The following ENPP6 variants were observed in gnomAD, a reference collection of about 807,000 sequenced individuals.
ENPP6 encodes the protein glycerophosphocholine cholinephosphodiesterase ENPP6.
A neutral mutation model predicts 42.0 loss-of-function variants in ENPP6; 32 were observed. The ratio of observed to expected loss-of-function variants is 0.76; its 90% CI spans 0.58 to 1.02. The LOEUF is 1.02. ENPP6 is among the 50% of genes least tolerant of loss of function. ENPP6 has a pLI of 0.00. For synonymous variants in ENPP6, 213 were observed against 216.0 expected, an observed-to-expected ratio of 0.99 and a Z score of 0.12; for missense variants, 552 against 566.8, an observed-to-expected ratio of 0.97 and a Z score of 0.27.
At chr4:184,099,181 G>A (rs1579606613) in intron 6 of ENPP6, among the ~76,000 whole-genome samples, 1 of 152,222 alleles carries the variant, frequency 6.6e-6, no homozygotes, top group Non-Finnish European at 1.5e-5. Context: ...CGGTGCCTGG[G>A]CCCCTTCCAC....
chr4:184,133,219 T>C (rs947709083), intron 2 of ENPP6, among the ~76,000 whole-genome samples: 14 of 152,068 alleles, frequency 9.2e-5, no homozygotes, highest in Middle Eastern at 3.4e-3. Context: ...GGGATTACAG[T>C]GAATCTGTAG....
chr4:184,141,060 CGT>C (rs1553996665), intron 2 of ENPP6, among the ~76,000 whole-genome samples: 5 of 148,016 alleles, frequency 3.4e-5, no homozygotes, highest in Middle Eastern at 3.4e-3. Flanking sequence ...ACAAACAACC[CGT>C]CAAAAAGTGG....
At chr4:184,141,782 G>A (rs4561966) in intron 2 of ENPP6, among the ~76,000 whole-genome samples, 63,241 of 151,878 alleles carry the variant, frequency 0.42, 14,606 homozygotes, top group Non-Finnish European at 0.53. Flanking sequence ...TAATAATAAT[G>A]ATGATGATAA....
intron 1 of ENPP6, among the ~76,000 whole-genome samples, chr4:184,206,405 G>C (rs34133055): frequency 0.28 from 19,115 of 68,362 alleles, 5,042 homozygotes; most frequent in African/African-American, 0.56. Context: ...CTACAGGCGG[G>C]CGCCACCAGG....
chr4:184,192,086 T>C (rs1230208779), intron 1 of ENPP6, among the ~76,000 whole-genome samples: 2 of 152,228 alleles, frequency 1.3e-5, no homozygotes, highest in Non-Finnish European at 1.5e-5. Context: ...ACACAATCCT[T>C]ATCCAAATTC....
intron 2 of ENPP6, among the ~76,000 whole-genome samples, chr4:184,128,923 C>T (rs1736549425): frequency 6.6e-6 from 1 of 152,100 alleles, no homozygotes; most frequent in Non-Finnish European, 1.5e-5. Flanking sequence ...AGGAATTAGT[C>T]ATGATAATTA....
At chr4:184,147,445 C>T (rs1736945505) in intron 2 of ENPP6, among the ~76,000 whole-genome samples, 1 of 152,208 alleles carries the variant, frequency 6.6e-6, no homozygotes, top group Non-Finnish European at 1.5e-5. Context: ...TCACGCTCTT[C>T]CTTAAAACCT....
rs747643657 is a variant in ENPP6 at position 184,116,816 on chromosome 4, C to T, written c.855+40G>A. 4 of 1,607,276 alleles carry T rather than the reference C, an allele frequency of 2.5e-6. No individual in the cohort carries two copies. In the South Asian group the frequency reaches 3.3e-5, roughly 13 times the overall value. On this transcript the variant is annotated intron_variant, in intron 5 of 7. Transcript: ENST00000296741. ...CAGTGCAGATGGCAACACACGAGGG[C>T]CCACATGGCCCTCCTCCGCCCCCCA...
intron 6 of ENPP6, among the ~76,000 whole-genome samples, chr4:184,107,697 C>T (rs190365757): frequency 7.2e-5 from 11 of 152,180 alleles, no homozygotes; most frequent in East Asian, 3.8e-4. Context: ...GGGCGGATCA[C>T]GAGGTCAGGA....
At chr4:184,112,907 A>G in intron 5 of ENPP6, 98 bp from the exon 6 acceptor site, 5 of 1,314,662 alleles carry the variant, frequency 3.8e-6, no homozygotes, top group Non-Finnish European at 5.1e-6. Flanking sequence ...TATAAGACCA[A>G]AGAAAGAAAT....
At chr4:184,142,109 T>G (rs1392117205) in intron 2 of ENPP6, among the ~76,000 whole-genome samples, 2 of 152,232 alleles carry the variant, frequency 1.3e-5, no homozygotes, top group African/African-American at 4.8e-5. Flanking sequence ...TACTTTCCAC[T>G]GTGCGCACTG....
At chr4:184,095,685 T>G (rs1252539687) in intron 7 of ENPP6, among the ~76,000 whole-genome samples, 2 of 150,806 alleles carry the variant, frequency 1.3e-5, no homozygotes, top group Non-Finnish European at 2.9e-5. Context: ...TATATATATA[T>G]AGATATATAT....
At chr4:184,146,074 C>G (rs1427663139) in intron 2 of ENPP6, among the ~76,000 whole-genome samples, 4 of 143,386 alleles carry the variant, frequency 2.8e-5, no homozygotes, top group African/African-American at 7.7e-5. Flanking sequence ...CCTGTCCTCT[C>G]TTTTTTGTGT....
intron 2 of ENPP6, among the ~76,000 whole-genome samples, chr4:184,130,403 A>C (rs1269883327): frequency 5.1e-5 from 7 of 135,982 alleles, no homozygotes; most frequent in African/African-American, 1.1e-4. Flanking sequence ...CTAAAAACAC[A>C]AAAAATTAGC....
chr4:184,098,649 C>T (rs946793303), intron 6 of ENPP6, among the ~76,000 whole-genome samples: 2 of 152,132 alleles, frequency 1.3e-5, no homozygotes, highest in Non-Finnish European at 2.9e-5. Context: ...CATCACTTCC[C>T]GACACACTTC....
At chr4:184,105,882 G>A (rs1368235186) in intron 6 of ENPP6, among the ~76,000 whole-genome samples, 2 of 152,158 alleles carry the variant, frequency 1.3e-5, no homozygotes, top group African/African-American at 4.8e-5. Flanking sequence ...GTGGGTCAGT[G>A]TAAGGATTTT....
chr4:184,157,553 CT>C (rs1413374881), intron 1 of ENPP6, among the ~76,000 whole-genome samples: 4 of 139,674 alleles, frequency 2.9e-5, no homozygotes, highest in African/African-American at 1.1e-4. Flanking sequence ...TCTTTCCTTT[CT>C]CTCTTTCTTT....
intron 2 of ENPP6, among the ~76,000 whole-genome samples, chr4:184,129,810 G>GTA (rs1298932191): frequency 6.6e-6 from 1 of 152,150 alleles, no homozygotes; most frequent in Non-Finnish European, 1.5e-5. Context: ...CTACAAAATA[G>GTA]TATATAACAG....
At chr4:184,093,238 G>A (rs568776990) in intron 7 of ENPP6, among the ~76,000 whole-genome samples, 2 of 152,266 alleles carry the variant, frequency 1.3e-5, no homozygotes, top group South Asian at 2.1e-4. Context: ...AGGACAAATT[G>A]TGGTTTGAAT....
Sources: gnomAD v4.1 joint callset for allele counts (sites outside exome capture counted in the v4.1 genomes callset) on GRCh38, gnomAD v4.1.1 for gene constraint, MANE v1.5 for transcripts, NCBI Gene and HGNC (gene_info 2026-07-23, HGNC 2026-07-21) for gene names.